The following ZNF267 variants were observed in gnomAD, a reference collection of about 807,000 sequenced individuals.
ZNF267 encodes zinc finger (C2H2).
A neutral mutation model predicts 71.6 loss-of-function variants in ZNF267; 61 were observed. The observed-to-expected ratio is 0.85, with a 90% CI of 0.69 to 1.05. The LOEUF is 1.05. Ranked by LOEUF, ZNF267 falls within the 50% of genes least tolerant of loss-of-function variation. The pLI is 0.00. For missense variants in ZNF267, 852 were observed against 870.0 expected (o/e 0.98, Z 0.26); for synonymous variants, 288 against 293.2 (o/e 0.98, Z 0.18).
intron 1 of ZNF267, among the ~76,000 whole-genome samples, chr16:31,883,451 A>G (rs1428850091): frequency 3.3e-5 from 5 of 152,154 alleles, no homozygotes; most frequent in African/African-American, 7.2e-5. Context: ...TTCGATCACT[A>G]TTGTGTGGCT....
At chr16:31,893,176 G>A (rs2083973195) in intron 3 of ZNF267, among the ~76,000 whole-genome samples, 1 of 152,246 alleles carries the variant, frequency 6.6e-6, no homozygotes, top group African/African-American at 2.4e-5. Flanking sequence ...CGTGAAAGCT[G>A]CCAAGGCTTG....
At chr16:31,887,828 T>G (rs2083934410) in intron 3 of ZNF267, among the ~76,000 whole-genome samples, 3 of 152,148 alleles carry the variant, frequency 2.0e-5, no homozygotes, top group Admixed American at 6.5e-5. Flanking sequence ...CTAGCTTTAT[T>G]CTTCTTTTTC....
chr16:31,891,298 A>G (rs1209079184), intron 3 of ZNF267, among the ~76,000 whole-genome samples: 2 of 152,320 alleles, frequency 1.3e-5, no homozygotes, highest in East Asian at 3.9e-4. Context: ...TTAACAAATT[A>G]TTGTAGGTAT....
chr16:31,912,500 AAAT>A (rs2084142789), intron 3 of ZNF267: 1 of 151,516 alleles, frequency 6.6e-6, no homozygotes, highest in South Asian at 2.1e-4. Flanking sequence ...TTTGATTATT[AAAT>A]GTCTTGAGGT....
intron 1 of ZNF267, among the ~76,000 whole-genome samples, chr16:31,876,488 G>C (rs2083853222): frequency 6.6e-6 from 1 of 152,214 alleles, no homozygotes; most frequent in Admixed American, 6.5e-5. Flanking sequence ...CAAAGTGCTG[G>C]GATAACAGGC....
chr16:31,884,431 C>A, intron 1 of ZNF267, 67 bp from the exon 2 acceptor site: 2 of 1,602,372 alleles, frequency 1.2e-6, no homozygotes, highest in Non-Finnish European at 1.7e-6. Context: ...ACTGTCATTT[C>A]ATCTTGGGAC....
intron 3 of ZNF267, among the ~76,000 whole-genome samples, chr16:31,902,684 G>A (rs2084051705): frequency 6.6e-6 from 1 of 152,206 alleles, no homozygotes; most frequent in South Asian, 2.1e-4. Flanking sequence ...AGCTTAAGGA[G>A]ATTTTGGGCT....
chr16:31,896,022 A>AT (rs1020895535), intron 3 of ZNF267, among the ~76,000 whole-genome samples: 30 of 152,034 alleles, frequency 2.0e-4, no homozygotes, highest in African/African-American at 5.8e-4. Context: ...TCAAGTCTTT[A>AT]TTTTTAAGAA....
chr16:31,880,969 A>G (rs1195043136), intron 1 of ZNF267, among the ~76,000 whole-genome samples: 1 of 152,220 alleles, frequency 6.6e-6, no homozygotes. Context: ...GGAGGTGTAC[A>G]GGGAACTTGG....
chr16:31,915,247 A>G lies in ZNF267; in HGVS notation c.998A>G (p.His333Arg), dbSNP rs2084165598. 1.7e-5 allele frequency: 28 copies of G among 1,613,876 alleles called. 1 individual carries two copies. The Middle Eastern group carries it at 8.2e-4, about 47-fold the overall frequency. The change falls in exon 4 of 4, where the codon CAT (histidine) becomes CGT (arginine). Residue 333 changes from histidine to arginine, a missense_variant. Transcript: ENST00000300870. The stretch of plus-strand genomic sequence containing the variant: ...GAAAAATGTGGGGATAGCTTAAACC[A>G]TAGTTTGCACCTTACTCAACATCAG... ...KCEKCGDSLN[H>R]SLHLTQHQII...
At chr16:31,888,448 T>G (rs753536407) in intron 3 of ZNF267, among the ~76,000 whole-genome samples, 6 of 152,174 alleles carry the variant, frequency 3.9e-5, no homozygotes, top group Middle Eastern at 3.4e-3. Context: ...TTGTTTCTGA[T>G]ACTAGAGGAA....
At chr16:31,875,004 C>A in intron 1 of ZNF267, 1 of 671,456 alleles carries the variant, frequency 1.5e-6, no homozygotes, top group Non-Finnish European at 2.3e-6. Flanking sequence ...GCATACATTT[C>A]ACGTGAGAGG....
intron 1 of ZNF267, among the ~76,000 whole-genome samples, chr16:31,882,552 A>G (rs2083897741): frequency 6.6e-6 from 1 of 152,186 alleles, no homozygotes; most frequent in Admixed American, 6.5e-5. Context: ...CAGAATACCA[A>G]ATGATATGTA....
intron 3 of ZNF267, among the ~76,000 whole-genome samples, chr16:31,898,952 A>G (rs2084019134): frequency 6.6e-6 from 1 of 152,186 alleles, no homozygotes. Flanking sequence ...CCATTACATA[A>G]TGGTAAAGGG....
At chr16:31,888,479 T>C (rs1001944503) in intron 3 of ZNF267, among the ~76,000 whole-genome samples, 2 of 152,146 alleles carry the variant, frequency 1.3e-5, no homozygotes. Context: ...TTTCACTGTT[T>C]ACTCTGTTGA....
chr16:31,894,909 T>C (rs968297062), intron 3 of ZNF267: 2 of 375,490 alleles, frequency 5.3e-6, no homozygotes, highest in Non-Finnish European at 1.1e-5. Context: ...TGATTTCCCC[T>C]GGGTTAGTGC....
chr16:31,909,192 T>C (rs528137119), intron 3 of ZNF267, among the ~76,000 whole-genome samples: 1 of 138,968 alleles, frequency 7.2e-6, no homozygotes, highest in Non-Finnish European at 1.5e-5. Context: ...AGTAGCACGA[T>C]CTCGGCTCGG....
intron 3 of ZNF267, among the ~76,000 whole-genome samples, chr16:31,890,685 G>C (rs76076112): frequency 0.014 from 2,111 of 152,320 alleles, 57 homozygotes; most frequent in African/African-American, 0.048. Flanking sequence ...TTGTTATCTG[G>C]TGAAGGCCTT....
At chr16:31,902,973 T>C (rs1460788521) in intron 3 of ZNF267, among the ~76,000 whole-genome samples, 2 of 152,204 alleles carry the variant, frequency 1.3e-5, no homozygotes, top group East Asian at 1.9e-4. Flanking sequence ...GAATACCTAA[T>C]GTATTGAGAG....
Sources: allele counts gnomAD v4.1 joint callset (sites outside exome capture counted in the v4.1 genomes callset), GRCh38; gene constraint gnomAD v4.1.1; transcripts MANE v1.5; gene names NCBI Gene and HGNC (gene_info 2026-07-23, HGNC 2026-07-21).